The following NEK11 variants were observed in gnomAD, a reference collection of about 807,000 sequenced individuals.
NEK11 encodes the protein serine/threonine-protein kinase Nek11.
In NEK11, 72 loss-of-function variants were observed where a neutral mutation model predicts 80.7. The ratio of observed to expected loss-of-function variants is 0.89; its 90% CI spans 0.74 to 1.08. NEK11 has a LOEUF of 1.08. NEK11 is among the 50% of genes least tolerant of loss of function. The pLI is 0.00. For synonymous variants in NEK11, 251 were observed against 260.7 expected, an observed-to-expected ratio of 0.96 and a Z score of 0.36; for missense variants, 764 against 763.6, an observed-to-expected ratio of 1.00 and a Z score of -0.01.
At chr3:131,130,833 G>A (rs1465538589) in intron 5 of NEK11, among the ~76,000 whole-genome samples, 2 of 151,992 alleles carry the variant, frequency 1.3e-5, no homozygotes, top group Admixed American at 6.6e-5. Context: ...ACAACATCTC[G>A]CTCTGTCACC....
intron 17 of NEK11, among the ~76,000 whole-genome samples, chr3:131,335,513 A>G (rs1184916784): frequency 6.6e-6 from 1 of 152,230 alleles, no homozygotes; most frequent in Non-Finnish European, 1.5e-5. Context: ...CCAATATCAT[A>G]CTGAATGGGC....
chr3:131,228,936 T>C (rs945774481), intron 15 of NEK11, among the ~76,000 whole-genome samples: 3 of 151,800 alleles, frequency 2.0e-5, no homozygotes, highest in African/African-American at 4.8e-5. Context: ...ATTTGGGGGG[T>C]TGGGAGATGG....
chr3:131,081,133 G>A (rs2075204411), intron 4 of NEK11, among the ~76,000 whole-genome samples: 1 of 152,042 alleles, frequency 6.6e-6, no homozygotes, highest in African/African-American at 2.4e-5. Context: ...AAACAAAAAG[G>A]AGAAATTACT....
At chr3:131,084,288 G>T (rs2075690804) in intron 4 of NEK11, among the ~76,000 whole-genome samples, 1 of 152,170 alleles carries the variant, frequency 6.6e-6, no homozygotes, top group Non-Finnish European at 1.5e-5. Flanking sequence ...GACCCACATA[G>T]TGAACCACAA....
chr3:131,316,261 CTTAA>C (rs936753988), intron 17 of NEK11, among the ~76,000 whole-genome samples: 12 of 152,190 alleles, frequency 7.9e-5, no homozygotes, highest in Non-Finnish European at 1.3e-4. Context: ...TAAAATTATC[CTTAA>C]TTAGAGAAAA....
chr3:131,081,154 G>C (rs908374345), intron 4 of NEK11, among the ~76,000 whole-genome samples: 1 of 152,046 alleles, frequency 6.6e-6, no homozygotes, highest in Non-Finnish European at 1.5e-5. Flanking sequence ...GCAGAAGAAT[G>C]CATCAACAAT....
At chr3:131,123,206 A>C (rs2082693960) in intron 5 of NEK11, among the ~76,000 whole-genome samples, 1 of 152,014 alleles carries the variant, frequency 6.6e-6, no homozygotes, top group African/African-American at 2.4e-5. Context: ...TTGCTCTGTC[A>C]CTCAGGGTGG....
At chr3:131,226,749 G>A (rs116188850) in intron 14 of NEK11, among the ~76,000 whole-genome samples, 1,650 of 152,010 alleles carry the variant, frequency 0.011, 11 homozygotes, top group Non-Finnish European at 0.017. Context: ...CTCGGTGAGG[G>A]TGCACTAAAA....
chr3:131,028,878 G>A (rs1350330156), intron 2 of NEK11, among the ~76,000 whole-genome samples: 18 of 152,296 alleles, frequency 1.2e-4, no homozygotes, highest in Non-Finnish European at 2.9e-5. Flanking sequence ...TTTCATAACT[G>A]CCACGTCTCA....
intron 14 of NEK11, among the ~76,000 whole-genome samples, chr3:131,207,386 A>G (rs1454095278): frequency 1.3e-5 from 2 of 152,138 alleles, no homozygotes; most frequent in Non-Finnish European, 2.9e-5. Flanking sequence ...GATCGAGACC[A>G]TCCTGGCTAA....
At chr3:131,055,082 T>G (rs1297087587) in intron 3 of NEK11, among the ~76,000 whole-genome samples, 4 of 152,200 alleles carry the variant, frequency 2.6e-5, no homozygotes, top group Admixed American at 2.6e-4. Flanking sequence ...AGAGCCTTGA[T>G]GTCTTGCTGT....
intron 17 of NEK11, among the ~76,000 whole-genome samples, chr3:131,309,998 A>C (rs2096763204): frequency 7.4e-6 from 1 of 134,838 alleles, no homozygotes. Flanking sequence ...AAAAAAAAAA[A>C]AAAAAAAAAA....
intron 17 of NEK11, among the ~76,000 whole-genome samples, chr3:131,335,056 G>A (rs1177792320): frequency 3.3e-5 from 5 of 152,060 alleles, no homozygotes; most frequent in Non-Finnish European, 7.4e-5. Context: ...AGGAACTGGT[G>A]CCATTCCTTC....
rs140638876 is a variant in NEK11, at chr3:131,318,102, A to G, written c.1719-31455A>G. Among the ~76,000 whole-genome samples the G allele has an allele frequency of 2.1e-3, 315 of 152,218 alleles. 2 individuals carry two copies. The highest frequency in any genetic ancestry group is 7.3e-3 in the African/African-American group (305 of 41,552). On this transcript the variant is annotated intron_variant, in intron 17 of 17. Coordinates refer to ENST00000383366, the MANE Select transcript of NEK11 (RefSeq NM_024800.5). ...AAATACTAAGGTAGAATGATGGGAA[A>G]GAAAGGAGGAAGAGGGGAAAGAGGG...
intron 16 of NEK11, among the ~76,000 whole-genome samples, chr3:131,253,443 G>T (rs900142817): frequency 6.6e-6 from 1 of 152,212 alleles, no homozygotes; most frequent in Non-Finnish European, 1.5e-5. Context: ...AGGGCATGGG[G>T]AATAGCCAAT....
chr3:131,143,749 G>A (rs1251837728), intron 7 of NEK11, among the ~76,000 whole-genome samples: 1 of 150,446 alleles, frequency 6.6e-6, no homozygotes, highest in Non-Finnish European at 1.5e-5. Flanking sequence ...ACTTCAAGCA[G>A]CCCAATGTTT....
At chr3:131,244,964 G>T (rs1486100470) in intron 16 of NEK11, among the ~76,000 whole-genome samples, 1 of 151,806 alleles carries the variant, frequency 6.6e-6, no homozygotes, top group Non-Finnish European at 1.5e-5. Flanking sequence ...AAAGTAAAGG[G>T]GTACAGTGCA....
chr3:131,097,129 T>G (rs1274935499), intron 4 of NEK11, among the ~76,000 whole-genome samples: 2 of 151,892 alleles, frequency 1.3e-5, no homozygotes, highest in African/African-American at 4.8e-5. Context: ...TAATCCAGTC[T>G]ATCATTGTTG....
At chr3:131,293,318 A>T (rs1261501990) in intron 17 of NEK11, among the ~76,000 whole-genome samples, 4 of 152,098 alleles carry the variant, frequency 2.6e-5, no homozygotes, top group Admixed American at 2.6e-4. Flanking sequence ...TTTTGTCAAA[A>T]GCTTTTGTTT....
Sources: allele counts gnomAD v4.1 joint callset (sites outside exome capture counted in the v4.1 genomes callset), GRCh38; gene constraint gnomAD v4.1.1; transcripts MANE v1.5; gene names NCBI Gene and HGNC (gene_info 2026-07-23, HGNC 2026-07-21).